Variants in GRIK2 observed in about 807,000 individuals in gnomAD.
GRIK2 encodes glutamate ionotropic receptor kainate type subunit 2, also known as glutamate receptor ionotropic, kainate 2.
In GRIK2, 32 loss-of-function variants were observed where a neutral mutation model predicts 100.3. That is an observed-to-expected ratio of 0.32 (90% CI 0.24 to 0.43). The LOEUF is 0.43. Among genes scored for constraint, GRIK2 ranks in the 20% least tolerant of loss-of-function variants. GRIK2 has a pLI of 1.00. For synonymous variants in GRIK2, 417 were observed against 389.4 expected (o/e 1.07, Z -0.83); for missense variants, 843 against 1,114.9 (o/e 0.76, Z 3.47).
At chr6:101,527,219 C>T (rs1775199321) in intron 2 of GRIK2, among the ~76,000 whole-genome samples, 1 of 152,170 alleles carries the variant, frequency 6.6e-6, no homozygotes, top group Non-Finnish European at 1.5e-5. Flanking sequence ...TGTTTAAACA[C>T]AGTACTGTCA....
chr6:101,598,734 A>G (rs1310549597), intron 2 of GRIK2, among the ~76,000 whole-genome samples: 1 of 151,604 alleles, frequency 6.6e-6, no homozygotes, highest in Non-Finnish European at 1.5e-5. Context: ...GTCAGCAATT[A>G]AAGTAAAATT....
At chr6:101,917,188 C>T (rs1218018122) in intron 12 of GRIK2, among the ~76,000 whole-genome samples, 1 of 151,642 alleles carries the variant, frequency 6.6e-6, no homozygotes, top group Non-Finnish European at 1.5e-5. Context: ...AGTAGAGTTA[C>T]CCTAGCAACT....
intron 16 of GRIK2, among the ~76,000 whole-genome samples, chr6:102,064,483 C>T (rs1034252): frequency 0.4 from 60,055 of 148,322 alleles, 12,238 homozygotes; most frequent in Middle Eastern, 0.49. Flanking sequence ...TCTTTCTCCA[C>T]TTCTTTTCTT....
At chr6:101,560,823 A>G (rs1489445755) in intron 2 of GRIK2, among the ~76,000 whole-genome samples, 1 of 152,298 alleles carries the variant, frequency 6.6e-6, no homozygotes, top group Non-Finnish European at 1.5e-5. Context: ...ATTATTGCTA[A>G]CAGTTCCAAA....
chr6:101,463,334 G>A (rs921301917), intron 2 of GRIK2, among the ~76,000 whole-genome samples: 2 of 152,094 alleles, frequency 1.3e-5, no homozygotes, highest in Non-Finnish European at 2.9e-5. Flanking sequence ...CCTTATGATT[G>A]CAATGGTTGT....
At chr6:101,714,233 T>C (rs562124186) in intron 7 of GRIK2, among the ~76,000 whole-genome samples, 1 of 151,792 alleles carries the variant, frequency 6.6e-6, no homozygotes, top group African/African-American at 2.4e-5. Flanking sequence ...ACTTCCAAAA[T>C]TAAAATGTAA....
chr6:102,060,827 T>C (rs954311780), intron 16 of GRIK2, among the ~76,000 whole-genome samples: 3 of 150,644 alleles, frequency 2.0e-5, no homozygotes, highest in African/African-American at 7.3e-5. Flanking sequence ...TATAATAATA[T>C]CATATTACTT....
At chr6:101,922,076 TTTCCTTCCTTCCTTCCTTCC>T (rs906511587) in intron 12 of GRIK2, among the ~76,000 whole-genome samples, 3 of 110,220 alleles carry the variant, frequency 2.7e-5, no homozygotes, top group South Asian at 6.1e-4. Context: ...CCTTTCTCCA[TTTCCTTCCTTCCTTCCTTCC>T]TTCCTTCCTT....
intron 2 of GRIK2, among the ~76,000 whole-genome samples, chr6:101,458,475 A>T (rs912255464): frequency 6.6e-6 from 1 of 152,214 alleles, no homozygotes; most frequent in Non-Finnish European, 1.5e-5. Flanking sequence ...CTGCTGGCCC[A>T]GGGCTGGGGC....
At chr6:101,669,383 A>G (rs1376963384) in intron 4 of GRIK2, among the ~76,000 whole-genome samples, 1 of 152,178 alleles carries the variant, frequency 6.6e-6, no homozygotes, top group East Asian at 1.9e-4. Context: ...CAAAGCGTCC[A>G]TTGATTTCTT....
At chr6:101,426,709 A>G (rs1890276) in intron 2 of GRIK2, among the ~76,000 whole-genome samples, 8,240 of 152,156 alleles carry the variant, frequency 0.054, 369 homozygotes, top group South Asian at 0.14. Context: ...TTTCTAATCT[A>G]TCCTATGCAC....
At chr6:101,452,894 T>G (rs1485534163) in intron 2 of GRIK2, among the ~76,000 whole-genome samples, 1 of 151,860 alleles carries the variant, frequency 6.6e-6, no homozygotes, top group African/African-American at 2.4e-5. Context: ...TCTCTACAAG[T>G]AATCAAAATT....
At chr6:101,877,170 T>C (rs1337452905) in intron 11 of GRIK2, among the ~76,000 whole-genome samples, 1 of 151,946 alleles carries the variant, frequency 6.6e-6, no homozygotes, top group African/African-American at 2.4e-5. Flanking sequence ...TTTATGTTTA[T>C]GTTTTTATAC....
intron 2 of GRIK2, among the ~76,000 whole-genome samples, chr6:101,508,371 G>A (rs1379688628): frequency 1.3e-5 from 2 of 152,084 alleles, no homozygotes; most frequent in African/African-American, 4.8e-5. Context: ...AATCCAATTA[G>A]TACAAATTCT....
At chr6:101,437,407 AACG>A in intron 2 of GRIK2, among the ~76,000 whole-genome samples, 1 of 152,246 alleles carries the variant, frequency 6.6e-6, no homozygotes, top group East Asian at 1.9e-4. Context: ...AACTGCCAAC[AACG>A]GTGTGAATTA....
At chr6:101,668,568 C>A (rs1423625111) in intron 4 of GRIK2, among the ~76,000 whole-genome samples, 1 of 15,784 alleles carries the variant, frequency 6.3e-5, no homozygotes, top group East Asian at 0.031. Context: ...CTTTTCTCAA[C>A]TGAAAAAAAA....
intron 14 of GRIK2, among the ~76,000 whole-genome samples, chr6:101,930,404 T>A (rs1790194670): frequency 6.6e-6 from 1 of 151,998 alleles, no homozygotes. Context: ...ACGTGCGTTG[T>A]TAGTGTCAAC....
intron 16 of GRIK2, chr6:102,065,738 G>A: frequency 9.4e-7 from 1 of 1,059,966 alleles, no homozygotes; most frequent in Non-Finnish European, 1.4e-6. Context: ...ATGTCAACGG[G>A]ATCAAGTTTT....
chr6:102,010,762 A>T (rs950885399), intron 14 of GRIK2, among the ~76,000 whole-genome samples: 3 of 151,642 alleles, frequency 2.0e-5, no homozygotes, highest in African/African-American at 7.3e-5. Context: ...AGAATATCAT[A>T]CAGTTAGAAT....
Sources: gnomAD v4.1 joint callset for allele counts (sites outside exome capture counted in the v4.1 genomes callset) on GRCh38, gnomAD v4.1.1 for gene constraint, MANE v1.5 for transcripts, NCBI Gene and HGNC (gene_info 2026-07-23, HGNC 2026-07-21) for gene names.